Variants in RIPOR2 observed in about 807,000 individuals in gnomAD.
The protein encoded by RIPOR2 is rho family-interacting cell polarization regulator 2.
RIPOR2 carries 39 observed loss-of-function variants against 114.5 expected under a neutral mutation model. The ratio of observed to expected loss-of-function variants is 0.34; its 90% CI spans 0.26 to 0.44. RIPOR2 has a LOEUF of 0.44. Ranked by LOEUF, RIPOR2 falls within the 20% of genes least tolerant of loss-of-function variation. The pLI is 1.00. For missense variants in RIPOR2, 1,007 were observed against 1,255.1 expected, an observed-to-expected ratio of 0.80 and a Z score of 2.99; for synonymous variants, 445 against 484.4, an observed-to-expected ratio of 0.92 and a Z score of 1.07.
At chr6:24,908,588 G>C (rs995386672) in intron 1 of RIPOR2, among the ~76,000 whole-genome samples, 1 of 152,208 alleles carries the variant, frequency 6.6e-6, no homozygotes, top group African/African-American at 2.4e-5. Context: ...TTTTATCGTA[G>C]TAGGGATGTT....
At chr6:25,016,108 T>C (rs187990047) in intron 1 of RIPOR2, among the ~76,000 whole-genome samples, 82 of 152,038 alleles carry the variant, frequency 5.4e-4, no homozygotes, top group African/African-American at 2.0e-3. Flanking sequence ...GGTTTCACTA[T>C]GTTGGCCAGG....
chr6:24,841,265 G>A (rs1761685944), intron 13 of RIPOR2, among the ~76,000 whole-genome samples: 1 of 152,140 alleles, frequency 6.6e-6, no homozygotes, highest in Non-Finnish European at 1.5e-5. Flanking sequence ...AATACCTTTT[G>A]CCCACAAAGC....
intron 1 of RIPOR2, chr6:24,877,063 A>G (rs1765853571): frequency 1.0e-6 from 1 of 985,322 alleles, no homozygotes; most frequent in African/African-American, 1.7e-5. Context: ...ACAAATCGGT[A>G]TGTTTGCAGA....
chr6:25,040,644 G>A (rs571634262), intron 1 of RIPOR2, among the ~76,000 whole-genome samples: 7 of 147,740 alleles, frequency 4.7e-5, no homozygotes, highest in East Asian at 2.0e-4. Flanking sequence ...CCAGGCTAGA[G>A]TGCAATGGCA....
intron 18 of RIPOR2, among the ~76,000 whole-genome samples, chr6:24,825,925 C>CTTTTTT (rs11454820): frequency 7.9e-6 from 1 of 126,296 alleles, no homozygotes. Context: ...ATGTTTTTCT[C>CTTTTTT]TTTTTTTTTT....
chr6:24,976,892 A>T (rs929624821), intron 1 of RIPOR2: 1 of 1,606,552 alleles, frequency 6.2e-7, no homozygotes, highest in Non-Finnish European at 8.5e-7. Flanking sequence ...AGAAGGCATG[A>T]ATATTGTGGA....
intron 1 of RIPOR2, among the ~76,000 whole-genome samples, chr6:24,943,791 TCAAAGTCCCATTCCCCC>T (rs1018497567): frequency 1.3e-5 from 2 of 152,114 alleles, no homozygotes; most frequent in African/African-American, 4.8e-5. Flanking sequence ...TAAAGCTTCT[TCAAAGTCCCATTCCCCC>T]CAAAGTCCCA....
chr6:24,977,712 A>T (rs902643812), intron 1 of RIPOR2, among the ~76,000 whole-genome samples: 1 of 152,172 alleles, frequency 6.6e-6, no homozygotes, highest in Non-Finnish European at 1.5e-5. Context: ...GGCTGCCCTG[A>T]TGTTTTGTTG....
chr6:24,845,073 A>C (rs572912506), intron 12 of RIPOR2, among the ~76,000 whole-genome samples: 106 of 151,920 alleles, frequency 7.0e-4, no homozygotes, highest in Non-Finnish European at 1.3e-3. Context: ...CATGGTTGGA[A>C]GGTGACTTAC....
intron 1 of RIPOR2, among the ~76,000 whole-genome samples, chr6:24,966,191 T>A (rs1478063418): frequency 6.6e-6 from 1 of 152,182 alleles, no homozygotes; most frequent in Admixed American, 6.5e-5. Flanking sequence ...CCTCACTTTA[T>A]GAAGCTTAAA....
At chr6:24,951,959 A>G (rs1772791706) in intron 1 of RIPOR2, among the ~76,000 whole-genome samples, 1 of 152,190 alleles carries the variant, frequency 6.6e-6, no homozygotes, top group South Asian at 2.1e-4. Context: ...TATGTAGTGA[A>G]TTGTAAATGT....
intron 13 of RIPOR2, 127 bp from the exon 14 acceptor site, chr6:24,839,399 A>T (rs1286383648): frequency 1.4e-6 from 2 of 1,435,620 alleles, no homozygotes; most frequent in Non-Finnish European, 1.8e-6. Flanking sequence ...GTTAGCATTT[A>T]AAAAATGCAT....
chr6:24,825,339 G>C lies in RIPOR2; in HGVS notation c.2755C>G (p.Gln919Glu). The change falls in exon 19 of 22, where the codon CAG becomes GAG. Residue 919 changes from glutamine (Q) to glutamate (E), a missense_variant. By Grantham distance (29) the Gln-to-Glu change is conservative. Coordinates refer to ENST00000643898, the MANE Select transcript of RIPOR2 (RefSeq NM_001286445.3). The part of the protein sequence containing the change: ...DLAPSNLLAQ[Q>E]EVLRTLALLL... The stretch of plus-strand genomic sequence containing the variant: ...AGAGCCAGAGTCCTGAGTACTTCCT[G>C]CTGGGCCAGGAGGTTGCTGGGAGCA... The C allele has an allele frequency of 6.4e-7, 1 of 1,551,904 alleles. No homozygotes were observed. The highest frequency in any genetic ancestry group is 8.7e-7 in the Non-Finnish European group (1 of 1,146,952).
At chr6:24,908,158 G>C (rs1343267080) in intron 1 of RIPOR2, among the ~76,000 whole-genome samples, 1 of 152,200 alleles carries the variant, frequency 6.6e-6, no homozygotes, top group Non-Finnish European at 1.5e-5. Context: ...GACCACCGGT[G>C]CAGGAAGCCC....
chr6:24,839,530 G>A, intron 13 of RIPOR2: 1 of 1,398,392 alleles, frequency 7.2e-7, no homozygotes, highest in Non-Finnish European at 9.8e-7. Flanking sequence ...AACAAGATTG[G>A]CCATGAGTTG....
chr6:24,839,480 A>G (rs1004839027), intron 13 of RIPOR2: 6 of 1,413,998 alleles, frequency 4.2e-6, no homozygotes, highest in Non-Finnish European at 4.8e-6. Flanking sequence ...GACTGGTTGC[A>G]GAAGAATCCA....
chr6:24,951,091 G>A (rs1165172860), intron 1 of RIPOR2, among the ~76,000 whole-genome samples: 1 of 152,204 alleles, frequency 6.6e-6, no homozygotes, highest in African/African-American at 2.4e-5. Flanking sequence ...AGGCAAGAGC[G>A]ATCAGAGACT....
intron 13 of RIPOR2, chr6:24,840,088 C>T: frequency 1.4e-6 from 1 of 699,092 alleles, no homozygotes; most frequent in South Asian, 6.0e-5. Context: ...TAGCTGAGAC[C>T]ACAGGCATGT....
chr6:24,985,404 G>A (rs867629466), intron 1 of RIPOR2, among the ~76,000 whole-genome samples: 1 of 151,952 alleles, frequency 6.6e-6, no homozygotes, highest in Non-Finnish European at 1.5e-5. Flanking sequence ...TAAAAGAGAA[G>A]GCTGCAAGTG....
Sources: allele counts gnomAD v4.1 joint callset (sites outside exome capture counted in the v4.1 genomes callset), GRCh38; gene constraint gnomAD v4.1.1; transcripts MANE v1.5; gene names NCBI Gene and HGNC (gene_info 2026-07-23, HGNC 2026-07-21).